PSME4: variants seen among roughly 807,000 people sequenced by gnomAD.
PSME4 encodes proteasome activator complex subunit 4.
Under a neutral mutation model 253.9 loss-of-function variants are expected in PSME4, and 89 were observed. The observed-to-expected ratio is 0.35, with a 90% CI of 0.30 to 0.42. PSME4 has a LOEUF of 0.42. PSME4 is among the 10% of genes least tolerant of loss of function. PSME4 has a pLI of 1.00. For synonymous variants in PSME4, 851 were observed against 759.2 expected (o/e 1.12, Z -1.99); for missense variants, 2,014 against 2,195.2 (o/e 0.92, Z 1.65).
chr2:53,883,902 T>G (rs1573211177), intron 41 of PSME4, among the ~76,000 whole-genome samples: 1 of 152,320 alleles, frequency 6.6e-6, no homozygotes, highest in East Asian at 1.9e-4. Context: ...ATCCATTATC[T>G]TCACTTATAA....
At chr2:53,940,998 T>TATATATATATATGTATATGA (rs1553338492) in intron 3 of PSME4, among the ~76,000 whole-genome samples, 2 of 85,908 alleles carry the variant, frequency 2.3e-5, no homozygotes, top group Non-Finnish European at 4.9e-5. Flanking sequence ...TATATATATA[T>TATATATATATATGTATATGA]ATGAAAGGAG....
At chr2:53,918,007 G>A (rs779451015) in intron 20 of PSME4, among the ~76,000 whole-genome samples, 8 of 152,024 alleles carry the variant, frequency 5.3e-5, no homozygotes, top group Non-Finnish European at 1.2e-4. Context: ...AATCTAAAAA[G>A]TTCAATGCCT....
chr2:53,937,644 G>A, intron 4 of PSME4, 104 bp from the exon 5 acceptor site: 4 of 1,016,458 alleles, frequency 3.9e-6, no homozygotes, highest in South Asian at 1.5e-5. Flanking sequence ...GAGAATATAT[G>A]TCATAGCATG....
intron 41 of PSME4, among the ~76,000 whole-genome samples, chr2:53,877,404 C>T (rs958062960): frequency 6.6e-6 from 1 of 151,336 alleles, no homozygotes; most frequent in Non-Finnish European, 1.5e-5. Flanking sequence ...CAGAGTGATA[C>T]CCTGTCTCTT....
At chr2:53,918,666 C>A (rs1668165907) in intron 20 of PSME4, among the ~76,000 whole-genome samples, 1 of 152,112 alleles carries the variant, frequency 6.6e-6, no homozygotes, top group Admixed American at 6.6e-5. Context: ...GCGGAGCTAA[C>A]AACGGATTCA....
intron 1 of PSME4, among the ~76,000 whole-genome samples, chr2:53,969,682 C>G (rs1047543874): frequency 2.8e-5 from 4 of 141,868 alleles, no homozygotes; most frequent in African/African-American, 1.0e-4. Flanking sequence ...ACTGTATTTT[C>G]ACTCGTTTTT....
At chr2:53,900,822 G>A (rs1010406995) in intron 28 of PSME4, among the ~76,000 whole-genome samples, 1 of 152,098 alleles carries the variant, frequency 6.6e-6, no homozygotes, top group African/African-American at 2.4e-5. Flanking sequence ...ATTCTGCTGT[G>A]CTCACCCTTC....
At chr2:53,923,685 G>A (rs1425456923) in intron 14 of PSME4, among the ~76,000 whole-genome samples, 1 of 152,096 alleles carries the variant, frequency 6.6e-6, no homozygotes, top group African/African-American at 2.4e-5. Context: ...CACTTTGGGA[G>A]GCTGAGGCAG....
At chr2:53,897,289 C>A (rs1422586932) in intron 31 of PSME4, among the ~76,000 whole-genome samples, 2 of 151,904 alleles carry the variant, frequency 1.3e-5, no homozygotes, top group East Asian at 3.9e-4. Flanking sequence ...ACTGCCTCAG[C>A]CTCCCAAGTA....
At chr2:53,897,167 G>GTTTTT (rs1056577962) in intron 31 of PSME4, among the ~76,000 whole-genome samples, 1 of 122,170 alleles carries the variant, frequency 8.2e-6, no homozygotes, top group Non-Finnish European at 1.7e-5. Flanking sequence ...TAGCCTCAGG[G>GTTTTT]TTTTTTTTTT....
chr2:53,916,783 A>G (rs1347482248), intron 20 of PSME4, among the ~76,000 whole-genome samples: 1 of 152,200 alleles, frequency 6.6e-6, no homozygotes, highest in African/African-American at 2.4e-5. Context: ...AAATAAATGT[A>G]AAAAGCTATA....
In PSME4 at chr2:53,937,409, A is replaced by C. The variant is rs779568229; in HGVS notation, c.677T>G (p.Leu226Arg). 1 of 1,599,874 alleles carries C rather than the reference A, an allele frequency of 6.3e-7. No individual in the cohort carries two copies. The highest frequency in any genetic ancestry group is 2.2e-5 in the East Asian group (1 of 44,662). ...IFLPTSLPPE[L>R]HHKGFKLWFD... ...TACTTACTTAAAACCTTTATGATGA[A>C]GTTCTGGAGGAAGGGAGGTAGGAAG... Residue 226 changes from leucine to arginine, a missense_variant, in exon 5 of 47, where the codon CTT becomes CGT. Physicochemically the swap from Leu to Arg is moderately radical, Grantham distance 102. Transcript: ENST00000404125.
In PSME4 at chr2:53,893,769, C is replaced by T; in HGVS notation, c.3943G>A (p.Asp1315Asn). The T allele has an allele frequency of 6.2e-7, 1 of 1,609,300 alleles. No individual in the cohort carries two copies. The highest frequency in any genetic ancestry group is 1.1e-5 in the South Asian group (1 of 90,432). Residue 1315 changes from aspartate to asparagine, a missense_variant, in exon 35 of 47, where the codon GAT (aspartate) becomes AAT (asparagine). Physicochemically the swap from Asp to Asn is conservative, Grantham distance 23. This residue lies in a region of PSME4 where 989 missense variants were observed against 1,021.1 expected (regional missense o/e 0.97). Coordinates refer to ENST00000404125, the MANE Select transcript of PSME4 (RefSeq NM_014614.3). ...AEQIIFDHFS[D>N]PKFVEQLITF... ...ATTAACTGCTCAACAAATTTAGGAT[C>T]AGAAAAATGATCAAATATAATCTGT...
intron 32 of PSME4, 98 bp from the exon 33 acceptor site, chr2:53,895,834 C>A (rs1680114122): frequency 9.4e-7 from 1 of 1,067,940 alleles, no homozygotes; most frequent in Non-Finnish European, 1.3e-6. Context: ...TTTGTCTTCA[C>A]AAAACAACAC....
intron 3 of PSME4, among the ~76,000 whole-genome samples, chr2:53,941,269 C>T (rs1338815606): frequency 1.4e-5 from 2 of 146,164 alleles, no homozygotes; most frequent in Admixed American, 7.1e-5. Flanking sequence ...GAAGAGGCAA[C>T]TAGATTACAA....
intron 3 of PSME4, among the ~76,000 whole-genome samples, chr2:53,941,189 A>T (rs538254616): frequency 6.9e-6 from 1 of 145,852 alleles, no homozygotes; most frequent in East Asian, 2.0e-4. Context: ...AGAGAGGAAA[A>T]CTATAATCTC....
At chr2:53,914,769 T>C (rs543699763) in intron 20 of PSME4, among the ~76,000 whole-genome samples, 28 of 152,170 alleles carry the variant, frequency 1.8e-4, no homozygotes, top group African/African-American at 6.0e-4. Flanking sequence ...TAATCCCAGC[T>C]ACTCGGGAGG....
At position 53,938,886 on chromosome 2, in the gene PSME4, T is replaced by C. The variant is rs561658235; in HGVS notation, c.545+1070A>G. Among the ~76,000 whole-genome samples, 8 of 152,362 alleles carry C rather than the reference T, an allele frequency of 5.3e-5. No individual in the cohort carries two copies. The South Asian group carries it at 1.7e-3, about 32-fold the overall frequency. On this transcript the variant is annotated intron_variant, in intron 4 of 46. Transcript: ENST00000404125. ...ATTTTAAAAAAACAAAAACAAACTA[T>C]GCTCCACCTTCAAAGATCTCACATA... is the stretch of plus-strand genomic sequence containing the variant.
At chr2:53,948,810 A>G (rs1411191047) in intron 2 of PSME4, among the ~76,000 whole-genome samples, 1 of 152,222 alleles carries the variant, frequency 6.6e-6, no homozygotes, top group African/African-American at 2.4e-5. Context: ...TTCCCACACT[A>G]TGGAATATTT....
Sources: allele counts gnomAD v4.1 joint callset (sites outside exome capture counted in the v4.1 genomes callset), GRCh38; gene constraint gnomAD v4.1.1; regional missense constraint gnomAD v4.1.1; transcripts MANE v1.5; gene names NCBI Gene and HGNC (gene_info 2026-07-23, HGNC 2026-07-21).